Variants in MAST4 observed in about 807,000 individuals in gnomAD.
MAST4 encodes the protein microtubule associated serine/threonine kinase family member 4.
A neutral mutation model predicts 162.7 loss-of-function variants in MAST4; 89 were observed. The observed-to-expected ratio is 0.55, with a 90% CI of 0.46 to 0.65. The LOEUF is 0.65. Among genes scored for constraint, MAST4 ranks in the 30% least tolerant of loss-of-function variants. The probability of loss-of-function intolerance (pLI) is 0.00; values close to 1 mark genes in which losing one functional copy is unlikely to be tolerated. For synonymous variants in MAST4, 1,479 were observed against 1,361.1 expected (o/e 1.09, Z -1.91); for missense variants, 3,153 against 3,374.0 (o/e 0.93, Z 1.62).
At chr5:66,910,838 C>T (rs1763709221) in intron 4 of MAST4, among the ~76,000 whole-genome samples, 2 of 149,728 alleles carry the variant, frequency 1.3e-5, no homozygotes, top group South Asian at 2.1e-4. Flanking sequence ...GCAGTCTCCA[C>T]CTCCCTTCAG....
intron 3 of MAST4, among the ~76,000 whole-genome samples, chr5:66,833,944 CCA>C (rs1757781353): frequency 6.6e-6 from 1 of 152,100 alleles, no homozygotes. Flanking sequence ...TCTCCCATGT[CCA>C]CGTCTGTAAA....
chr5:66,789,216 TACAC>T (rs1467729446), intron 3 of MAST4, among the ~76,000 whole-genome samples: 7 of 142,844 alleles, frequency 4.9e-5, no homozygotes, highest in African/African-American at 7.4e-5. Context: ...TATGTGTACA[TACAC>T]ACATGATTTT....
intron 4 of MAST4, among the ~76,000 whole-genome samples, chr5:66,926,626 GTATATATGTA>G: frequency 6.6e-6 from 1 of 151,478 alleles, no homozygotes; most frequent in East Asian, 1.9e-4. Flanking sequence ...ATATATGTGT[GTATATATGTA>G]TATATATGTG....
chr5:67,153,464 G>A lies in MAST4; in HGVS notation c.3532G>A (p.Glu1178Lys). ...CTCTCCTCTTGGACTTTAGAATGTAGAAGAAGGAAGTCCGGCATGCCAGGC... is the reference window on the plus strand; with the variant it reads ...CTCTCCTCTTGGACTTTAGAATGTAAAAGAAGGAAGTCCGGCATGCCAGGC... ...YTVHHIVWNVEEGSPACQAGL... is the reference protein window; with the variant it reads ...YTVHHIVWNVKEGSPACQAGL... The change falls in exon 26 of 29, where the codon GAA becomes AAA. Residue 1178 changes from glutamate to lysine, a missense_variant. This residue lies in a region of MAST4 where 619 missense variants were observed against 744.2 expected (regional missense o/e 0.83). Transcript: ENST00000403625. 3 of 1,603,670 alleles carry A rather than the reference G, an allele frequency of 1.9e-6. No homozygotes were observed. Among genetic ancestry groups the A allele is most frequent in the Non-Finnish European group, 1.7e-6 (2 of 1,174,826 alleles).
chr5:66,634,306 G>T (rs913694738), intron 1 of MAST4, among the ~76,000 whole-genome samples: 1 of 152,174 alleles, frequency 6.6e-6, no homozygotes, highest in Admixed American at 6.5e-5. Flanking sequence ...TGATCCGCCT[G>T]CCTTGGCCTC....
intron 4 of MAST4, among the ~76,000 whole-genome samples, chr5:66,938,181 A>G (rs531149251): frequency 2.0e-5 from 3 of 151,628 alleles, no homozygotes; most frequent in Non-Finnish European, 4.4e-5. Flanking sequence ...TCTTATTCCA[A>G]ATCAGCATTA....
intron 1 of MAST4, among the ~76,000 whole-genome samples, chr5:66,743,527 A>G (rs1375957591): frequency 1.3e-5 from 2 of 152,228 alleles, no homozygotes; most frequent in African/African-American, 4.8e-5. Flanking sequence ...GGTTGGTGGC[A>G]CAGGCCTGGC....
Position 67,114,231 on chromosome 5 carries a change from G to C in MAST4, c.1591+12G>C, listed in dbSNP as rs764675940. The C allele has an allele frequency of 2.1e-5, 34 of 1,604,734 alleles. No individual in the cohort carries two copies. The highest frequency in any genetic ancestry group is 2.9e-5 in the Non-Finnish European group (34 of 1,176,980). ...GGATCCCTTGGAAGGTGAGTCCCTG[G>C]GTTGTTCCTACCTTTGACTTTGCTT... On this transcript the variant is annotated intron_variant, in intron 12 of 28. Coordinates refer to ENST00000403625, the MANE Select transcript of MAST4 (RefSeq NM_001164664.2).
chr5:66,791,238 C>T (rs962275612), intron 3 of MAST4, among the ~76,000 whole-genome samples: 3 of 152,182 alleles, frequency 2.0e-5, no homozygotes, highest in South Asian at 2.1e-4. Flanking sequence ...TGGCCGGGCT[C>T]GTCACGGACT....
At chr5:66,620,519 A>C (rs1299406698) in intron 1 of MAST4, among the ~76,000 whole-genome samples, 1 of 152,164 alleles carries the variant, frequency 6.6e-6, no homozygotes, top group Non-Finnish European at 1.5e-5. Context: ...AAAAAAAACA[A>C]CAAAGCATGG....
intron 1 of MAST4, among the ~76,000 whole-genome samples, chr5:66,610,808 C>T (rs1579983125): frequency 6.6e-6 from 1 of 152,252 alleles, no homozygotes. Context: ...CTCCCAGCCA[C>T]GTTGTGGCTC....
At chr5:66,766,759 A>G (rs1189927871) in intron 2 of MAST4, among the ~76,000 whole-genome samples, 3 of 152,204 alleles carry the variant, frequency 2.0e-5, no homozygotes, top group Non-Finnish European at 2.9e-5. Context: ...AATACAACTT[A>G]AACTTTCCTA....
At chr5:66,938,607 C>T (rs1693235421) in intron 4 of MAST4, among the ~76,000 whole-genome samples, 1 of 152,142 alleles carries the variant, frequency 6.6e-6, no homozygotes, top group East Asian at 1.9e-4. Flanking sequence ...TGAGATACAC[C>T]AAGTTATACC....
intron 1 of MAST4, among the ~76,000 whole-genome samples, chr5:66,660,763 A>G (rs147841152): frequency 3.3e-5 from 5 of 152,236 alleles, no homozygotes; most frequent in African/African-American, 9.6e-5. Context: ...TAGAAACATT[A>G]TATACAAATA....
chr5:66,924,734 G>A (rs1258396168), intron 4 of MAST4, among the ~76,000 whole-genome samples: 2 of 152,050 alleles, frequency 1.3e-5, no homozygotes, highest in Non-Finnish European at 2.9e-5. Context: ...GATCATGTAG[G>A]TGGTCATTTT....
chr5:66,864,818 CTG>C (rs1447520465), intron 3 of MAST4, among the ~76,000 whole-genome samples: 3 of 152,166 alleles, frequency 2.0e-5, no homozygotes, highest in African/African-American at 4.8e-5. Flanking sequence ...GCCTCCAGAG[CTG>C]TGAGACAGTT....
At chr5:67,047,799 C>G (rs1432329405) in intron 4 of MAST4, among the ~76,000 whole-genome samples, 1 of 152,070 alleles carries the variant, frequency 6.6e-6, no homozygotes, top group African/African-American at 2.4e-5. Context: ...ACATTAGTAG[C>G]AAAGGGTGTG....
Position 67,166,400 on chromosome 5 carries a change from C to A in MAST4, c.7221C>A (p.Ala2407=). The A allele has an allele frequency of 6.2e-7, 1 of 1,610,396 alleles. No homozygotes were observed. The highest frequency in any genetic ancestry group is 1.1e-5 in the South Asian group (1 of 90,522). The change falls in exon 29 of 29, where the codon GCC becomes GCA. Residue 2407 remains alanine (A), a synonymous_variant. Transcript: ENST00000403625. ...ENRLKGAERP[A]AGVGKGFPEA... is the part of the protein sequence containing the mutation. The stretch of plus-strand genomic sequence containing the variant: ...GGTTGAAAGGCGCGGAGCGGCCAGC[C>A]GCGGGGGTGGGGAAGGGCTTCCCTG...
At chr5:66,951,028 T>G (rs1408453936) in intron 4 of MAST4, among the ~76,000 whole-genome samples, 1 of 152,238 alleles carries the variant, frequency 6.6e-6, no homozygotes, top group Non-Finnish European at 1.5e-5. Flanking sequence ...TGTGCCATAA[T>G]GTACTTAGCC....
Sources: gnomAD v4.1 joint callset for allele counts (sites outside exome capture counted in the v4.1 genomes callset) on GRCh38, gnomAD v4.1.1 for gene constraint, gnomAD v4.1.1 regional missense constraint, MANE v1.5 for transcripts, NCBI Gene and HGNC (gene_info 2026-07-23, HGNC 2026-07-21) for gene names.